SNX13: variants seen among roughly 807,000 people sequenced by gnomAD.
SNX13 encodes the protein sorting nexin 13, also known as sorting nexin-13.
SNX13 carries 45 observed loss-of-function variants against 133.6 expected under a neutral mutation model. That is an observed-to-expected ratio of 0.34 (90% CI 0.27 to 0.43). The LOEUF (loss-of-function observed/expected upper bound fraction) is 0.43, where lower values mean the gene tolerates loss of function less well. SNX13 is among the 20% of genes least tolerant of loss of function. SNX13 has a pLI of 1.00. For synonymous variants in SNX13, 414 were observed against 373.9 expected (o/e 1.11, Z -1.24); for missense variants, 1,032 against 1,145.1 (o/e 0.90, Z 1.43).
In SNX13 at chr7:17,913,116, G is replaced by A. The variant is rs578243096; in HGVS notation, c.13-15670C>T. Among the ~76,000 whole-genome samples, 82 of 152,306 alleles carry A rather than the reference G, an allele frequency of 5.4e-4. 1 individual carries two copies. The highest frequency in any genetic ancestry group is 1.9e-3 in the African/African-American group (80 of 41,568). Reference sequence around the variant, plus strand: ...GGGAGGCAGACTCCACTCCCATGGAGATCTAACCCTTGGCAGGGACTGCCC... The same window carrying A: ...GGGAGGCAGACTCCACTCCCATGGAAATCTAACCCTTGGCAGGGACTGCCC... On this transcript the variant is annotated intron_variant, in intron 1 of 25. Coordinates refer to ENST00000428135, the MANE Select transcript of SNX13 (RefSeq NM_015132.5).
chr7:17,822,339 C>G (rs1282249121), intron 17 of SNX13, among the ~76,000 whole-genome samples: 2 of 152,006 alleles, frequency 1.3e-5, no homozygotes, highest in Admixed American at 1.3e-4. Context: ...TCTAACTTGT[C>G]TTTCTGATGT....
chr7:17,858,235 T>C (rs1010891332), intron 9 of SNX13, among the ~76,000 whole-genome samples: 2 of 152,154 alleles, frequency 1.3e-5, no homozygotes, highest in Non-Finnish European at 2.9e-5. Flanking sequence ...AAAGTCAATT[T>C]GTCCTTGTTT....
intron 1 of SNX13, among the ~76,000 whole-genome samples, chr7:17,916,082 C>G (rs956203791): frequency 2.0e-5 from 3 of 152,096 alleles, no homozygotes; most frequent in African/African-American, 7.2e-5. Flanking sequence ...AAAATTATGA[C>G]AGAAAACAAA....
chr7:17,806,901 C>A (rs919625566), intron 20 of SNX13, among the ~76,000 whole-genome samples: 3 of 152,170 alleles, frequency 2.0e-5, no homozygotes, highest in Non-Finnish European at 2.9e-5. Flanking sequence ...AGGACTGTGC[C>A]TTGAGGAATG....
intron 5 of SNX13, chr7:17,881,323 C>A (rs1370073915): frequency 3.3e-5 from 5 of 151,404 alleles, no homozygotes; most frequent in African/African-American, 1.2e-4. Context: ...AAGGTATATA[C>A]ATATACACAT....
chr7:17,901,699 T>C (rs369197837), intron 1 of SNX13, among the ~76,000 whole-genome samples: 7 of 152,322 alleles, frequency 4.6e-5, no homozygotes, highest in Admixed American at 1.3e-4. Context: ...AGGGGTGGCA[T>C]TGACAATTCA....
chr7:17,834,631 A>G (rs945147632), intron 14 of SNX13, 130 bp downstream of exon 14: 8 of 498,606 alleles, frequency 1.6e-5, no homozygotes, highest in Non-Finnish European at 2.4e-5. Context: ...TGGAATTGAG[A>G]AGTATAATTG....
At chr7:17,887,256 G>A (rs773827026) in intron 5 of SNX13, among the ~76,000 whole-genome samples, 3 of 151,994 alleles carry the variant, frequency 2.0e-5, no homozygotes, top group Non-Finnish European at 4.4e-5. Context: ...TTTTCTTTTC[G>A]ATACACTAAA....
At chr7:17,855,613 T>A (rs1583493761) in intron 9 of SNX13, among the ~76,000 whole-genome samples, 2 of 152,192 alleles carry the variant, frequency 1.3e-5, no homozygotes, top group African/African-American at 4.8e-5. Flanking sequence ...AAAGCCTGAA[T>A]AATAGCATGT....
chr7:17,803,759 T>A (rs899124117), intron 20 of SNX13, among the ~76,000 whole-genome samples, 179 bp from the exon 21 acceptor site: 1 of 151,900 alleles, frequency 6.6e-6, no homozygotes, highest in African/African-American at 2.4e-5. Flanking sequence ...TAAAAACGTA[T>A]TTTCAGCTGG....
chr7:17,867,472 G>A (rs1476207667), intron 9 of SNX13, among the ~76,000 whole-genome samples: 1 of 152,018 alleles, frequency 6.6e-6, no homozygotes, highest in Non-Finnish European at 1.5e-5. Context: ...GCGGGATGTG[G>A]TGGTGCATGC....
At chr7:17,896,175 GTCATCTTTATCA>G (rs1403663045) in intron 2 of SNX13, among the ~76,000 whole-genome samples, 1 of 152,076 alleles carries the variant, frequency 6.6e-6, no homozygotes, top group Non-Finnish European at 1.5e-5. Flanking sequence ...ATCATCTTCA[GTCATCTTTATCA>G]TCAATAAAGA....
chr7:17,839,861 T>TTTGGTTTGG lies in SNX13; in HGVS notation c.1296_1304dup (p.Asn432_Thr434dup). ...CAACAGCAGCTGCTCTTAAAAGACC[T>TTTGGTTTGG]TTGGTTTGGTTGGTTTGATGTTTTC... On this transcript the variant is annotated inframe_insertion, in exon 13 of 26. Coordinates refer to ENST00000428135, the MANE Select transcript of SNX13 (RefSeq NM_015132.5). 1 of 1,611,588 alleles carries TTTGGTTTGG rather than the reference T, an allele frequency of 6.2e-7. No homozygotes were observed. Among genetic ancestry groups the TTTGGTTTGG allele is most frequent in the Middle Eastern group, 1.7e-4 (1 of 6,038 alleles).
intron 20 of SNX13, among the ~76,000 whole-genome samples, chr7:17,812,970 G>A (rs1382918043): frequency 6.6e-6 from 1 of 152,164 alleles, no homozygotes; most frequent in East Asian, 1.9e-4. Context: ...CTGTCAGGGG[G>A]TTGAGGGCTA....
intron 1 of SNX13, among the ~76,000 whole-genome samples, chr7:17,920,927 G>C (rs1393955603): frequency 6.6e-6 from 1 of 152,134 alleles, no homozygotes; most frequent in Non-Finnish European, 1.5e-5. Flanking sequence ...AATAGTAAAG[G>C]CTTTGCCATC....
chr7:17,863,885 T>C (rs1462687281), intron 9 of SNX13, among the ~76,000 whole-genome samples: 4 of 152,204 alleles, frequency 2.6e-5, no homozygotes. Context: ...TCTGGTAACC[T>C]AGGGAATTCT....
intron 13 of SNX13, 26 bp from the exon 14 acceptor site, chr7:17,834,891 ATC>A: frequency 7.5e-7 from 1 of 1,325,934 alleles, no homozygotes; most frequent in South Asian, 1.2e-5. Context: ...AATAGTAATG[ATC>A]TCTGTAATTT....
At chr7:17,903,021 T>A (rs1216028887) in intron 1 of SNX13, among the ~76,000 whole-genome samples, 4 of 152,164 alleles carry the variant, frequency 2.6e-5, no homozygotes, top group African/African-American at 9.7e-5. Context: ...TTGTCTTCCA[T>A]GAAACTGGGG....
At chr7:17,818,899 T>C (rs1259861137) in intron 18 of SNX13, among the ~76,000 whole-genome samples, 1 of 152,214 alleles carries the variant, frequency 6.6e-6, no homozygotes, top group Non-Finnish European at 1.5e-5. Context: ...TAATGAATAC[T>C]TAATATGATC....
Sources: allele counts gnomAD v4.1 joint callset (sites outside exome capture counted in the v4.1 genomes callset), GRCh38; gene constraint gnomAD v4.1.1; transcripts MANE v1.5; gene names NCBI Gene and HGNC (gene_info 2026-07-23, HGNC 2026-07-21).